RSF1: variants seen among roughly 807,000 people sequenced by gnomAD.
RSF1 encodes remodeling and spacing factor 1.
In RSF1, 13 loss-of-function variants were observed where a neutral mutation model predicts 145.2. That is an observed-to-expected ratio of 0.09 (90% confidence interval 0.06 to 0.14). The LOEUF (loss-of-function observed/expected upper bound fraction) is 0.14, where lower values mean the gene tolerates loss of function less well. RSF1 is among the 10% of genes least tolerant of loss of function. RSF1 has a pLI of 1.00. For synonymous variants in RSF1, 577 were observed against 592.6 expected (o/e 0.97, Z 0.38); for missense variants, 1,517 against 1,718.2 (o/e 0.88, Z 2.07).
intron 1 of RSF1, among the ~76,000 whole-genome samples, chr11:77,819,328 T>C (rs1948814632): frequency 6.6e-6 from 1 of 152,198 alleles, no homozygotes; most frequent in Non-Finnish European, 1.5e-5. Flanking sequence ...AAAAAAGCCT[T>C]CTCTGAGGAA....
intron 5 of RSF1, among the ~76,000 whole-genome samples, chr11:77,715,586 T>G (rs1278249711): frequency 2.6e-5 from 4 of 152,124 alleles, no homozygotes; most frequent in Admixed American, 2.6e-4. Flanking sequence ...TAGCTGGGAT[T>G]ACAGGCTCAT....
chr11:77,868,674 TTTG>T, the RSF1 span: 70 of 170,172 alleles, frequency 4.1e-4, no homozygotes, highest in South Asian at 8.0e-4. Context: ...TCCAGAGGTT[TTTG>T]TTGTTGTTGT....
Position 77,665,095 on chromosome 11 carries a change from AT to A in RSF1, c.*1821del, listed in dbSNP as rs1959328769. The A allele has an allele frequency of 6.6e-6, 1 of 152,250 alleles. No homozygotes were observed. Among genetic ancestry groups the A allele is most frequent in the Non-Finnish European group, 1.5e-5 (1 of 68,046 alleles). 9.4% of individuals were successfully genotyped at this position (152,250 alleles called of 1,614,324 possible). ...AACGAACAACTGAAAAACAATAGCT[AT>A]AAACTTTCAAGGCCAAAAGATAAGA... On this transcript the variant is annotated 3_prime_UTR_variant, in exon 16 of 16. Coordinates refer to ENST00000308488, the MANE Select transcript of RSF1 (RefSeq NM_016578.4).
At chr11:77,729,761 C>T (rs1242787977) in intron 4 of RSF1, among the ~76,000 whole-genome samples, 1 of 151,740 alleles carries the variant, frequency 6.6e-6, no homozygotes, top group African/African-American at 2.4e-5. Flanking sequence ...ACAAATGGGA[C>T]CAGGTCTTCA....
chr11:77,722,613 T>G (rs1165033977), intron 5 of RSF1, among the ~76,000 whole-genome samples: 1 of 152,212 alleles, frequency 6.6e-6, no homozygotes, highest in Non-Finnish European at 1.5e-5. Flanking sequence ...CACTTAATTA[T>G]GTATATGACC....
At chr11:77,870,329 A>ATTTTTTTT in the RSF1 span, among the ~76,000 whole-genome samples, 2 of 87,982 alleles carry the variant, frequency 2.3e-5, no homozygotes, top group African/African-American at 4.9e-5. Context: ...CTATTTTTTA[A>ATTTTTTTT]TTTTTTTTTT....
intron 4 of RSF1, among the ~76,000 whole-genome samples, chr11:77,729,491 G>A (rs1315231793): frequency 6.6e-6 from 1 of 151,586 alleles, no homozygotes; most frequent in Non-Finnish European, 1.5e-5. Context: ...CAGCCTAGGA[G>A]TTGTTCAGAG....
intron 1 of RSF1, among the ~76,000 whole-genome samples, chr11:77,774,692 A>G (rs1430742916): frequency 6.6e-6 from 1 of 151,160 alleles, no homozygotes; most frequent in African/African-American, 2.4e-5. Flanking sequence ...TTTGGAAGGC[A>G]GAGGCAGGCA....
At chr11:77,825,222 T>G (rs929597078), upstream of RSF1, among the ~76,000 whole-genome samples, 5 of 152,172 alleles carry the variant, frequency 3.3e-5, no homozygotes, top group African/African-American at 1.2e-4. Flanking sequence ...GACCTTGTGA[T>G]CTGCTCACCT....
In RSF1 at chr11:77,666,069, C is replaced by T. The variant is rs1366481817; in HGVS notation, c.*848G>A. On this transcript the variant is annotated 3_prime_UTR_variant, in exon 16 of 16. Transcript: ENST00000308488. Reference sequence around the variant, plus strand: ...ACTATTGGCAAAGTTTACAGTCCACCCAGGCCTTAAGAAAGACCACATTCA... The same window carrying T: ...ACTATTGGCAAAGTTTACAGTCCACTCAGGCCTTAAGAAAGACCACATTCA... 6.6e-6 allele frequency: 1 copy of T among 152,108 alleles called. No individual in the cohort carries two copies. The highest frequency in any genetic ancestry group is 1.5e-5 in the Non-Finnish European group (1 of 68,032). 9.4% of individuals were successfully genotyped at this position (152,108 alleles called of 1,614,324 possible). A position where few individuals can be genotyped will look rare whatever the true frequency, so the allele number is the denominator to read the frequency against.
intron 1 of RSF1, among the ~76,000 whole-genome samples, chr11:77,805,655 G>A (rs1948670470): frequency 6.6e-6 from 1 of 151,566 alleles, no homozygotes; most frequent in Non-Finnish European, 1.5e-5. Context: ...ATATATACAT[G>A]TATGTAACAA....
intron 1 of RSF1, among the ~76,000 whole-genome samples, chr11:77,811,280 G>A (rs1948727961): frequency 6.6e-6 from 1 of 152,184 alleles, no homozygotes; most frequent in Non-Finnish European, 1.5e-5. Context: ...GCAGAACATG[G>A]TCCTATAGTA....
At chr11:77,668,427 G>A (rs997485844) in intron 15 of RSF1, among the ~76,000 whole-genome samples, 1 of 152,204 alleles carries the variant, frequency 6.6e-6, no homozygotes, top group African/African-American at 2.4e-5. Flanking sequence ...ACGCTGATAA[G>A]GAAAGATTCA....
At chr11:77,686,012 C>T (rs776261100) in intron 9 of RSF1, among the ~76,000 whole-genome samples, 1 of 152,072 alleles carries the variant, frequency 6.6e-6, no homozygotes, top group Non-Finnish European at 1.5e-5. Context: ...CTCTAGAAGG[C>T]CACAGCTGAA....
the RSF1 span, among the ~76,000 whole-genome samples, chr11:77,859,121 T>C: frequency 6.6e-6 from 1 of 152,220 alleles, no homozygotes; most frequent in Admixed American, 6.5e-5. Context: ...TTTTTCCTTC[T>C]TCAGTGGCTA....
chr11:77,788,682 G>A (rs867188071), intron 1 of RSF1, among the ~76,000 whole-genome samples: 3 of 151,906 alleles, frequency 2.0e-5, no homozygotes, highest in Non-Finnish European at 4.4e-5. Flanking sequence ...AATCCCAGTG[G>A]ATACAGTTAA....
chr11:77,820,829 C>T (rs964734745), upstream of RSF1: 81 of 1,072,964 alleles, frequency 7.5e-5, no homozygotes, highest in Middle Eastern at 3.1e-4. Flanking sequence ...GGCTCCTCTG[C>T]GGATCCCAGC....
intron 1 of RSF1, among the ~76,000 whole-genome samples, chr11:77,767,752 T>C (rs1438282648): frequency 6.6e-6 from 1 of 152,244 alleles, no homozygotes; most frequent in Non-Finnish European, 1.5e-5. Context: ...GTATTCATAC[T>C]GTCTGTATCA....
chr11:77,678,120 A>T lies in RSF1; in HGVS notation c.3099T>A (p.Ala1033=). 6 of 1,611,532 alleles carry T rather than the reference A, an allele frequency of 3.7e-6. No individual in the cohort carries two copies. The highest frequency in any genetic ancestry group is 4.2e-6 in the Non-Finnish European group (5 of 1,178,716). Residue 1033 remains alanine (A), a synonymous_variant, in exon 12 of 16, where the codon GCT becomes GCA. Transcript: ENST00000308488. ...CGGCTTCTTTGATGTCATCTTCAATAGCTTCATCAATTGCTTCATCAAACT... is the reference window on the plus strand; with the variant it reads ...CGGCTTCTTTGATGTCATCTTCAATTGCTTCATCAATTGCTTCATCAAACT... ...FDEFDEAIDE[A]IEDDIKEADG... is the part of the protein sequence containing the mutation.
Sources: gnomAD v4.1 joint callset for allele counts (sites outside exome capture counted in the v4.1 genomes callset) on GRCh38, gnomAD v4.1.1 for gene constraint, MANE v1.5 for transcripts, NCBI Gene and HGNC (gene_info 2026-07-23, HGNC 2026-07-21) for gene names.